The following ABCA4 variants were observed in gnomAD, a reference collection of about 807,000 sequenced individuals.
ABCA4 encodes the protein ATP binding cassette subfamily A member 4.
Under a neutral mutation model 263.7 loss-of-function variants are expected in ABCA4, and 196 were observed. That is an observed-to-expected ratio of 0.74 (90% CI 0.66 to 0.84). The LOEUF is 0.84. ABCA4 is among the 40% of genes least tolerant of loss of function. ABCA4 has a pLI of 0.00. For missense variants in ABCA4, 2,792 were observed against 2,855.1 expected (o/e 0.98, Z 0.50); for synonymous variants, 1,133 against 1,094.2 (o/e 1.04, Z -0.70).
intron 38 of ABCA4, 35 bp from the exon 39 acceptor site, chr1:94,011,420 C>G: frequency 6.2e-7 from 1 of 1,603,892 alleles, no homozygotes; most frequent in South Asian, 1.1e-5. Context: ...GGAAACGGGG[C>G]AAACCCCACC....
In ABCA4 at chr1:94,062,602, G is replaced by A. The variant is rs754088610; in HGVS notation, c.1912C>T (p.Pro638Ser). 1 of 1,614,206 alleles carries A rather than the reference G, an allele frequency of 6.2e-7. No homozygotes were observed. Among genetic ancestry groups the A allele is most frequent in the Admixed American group, 1.7e-5 (1 of 60,024 alleles). Residue 638 changes from proline to serine, a missense_variant, in exon 13 of 50, where the codon CCC becomes TCC. By Grantham distance (74) the Pro-to-Ser change is moderately conservative. Transcript: ENST00000370225. ...GAATCGTCCACGAAGCAGGGGTAGG[G>A]CATCTGCTGGAGGTAGATTCCAACT... ...APVGIYLQQM[P>S]YPCFVDDSFM...
At chr1:94,106,419 C>T (rs1459600103) in intron 4 of ABCA4, among the ~76,000 whole-genome samples, 1 of 152,210 alleles carries the variant, frequency 6.6e-6, no homozygotes, top group Non-Finnish European at 1.5e-5. Context: ...ATCAAACCCA[C>T]TGGATGCATG....
In ABCA4 at chr1:93,997,921, G is replaced by A. The variant is rs375495352; in HGVS notation, c.6669C>T (p.Leu2223=). The change falls in exon 48 of 50, where the codon CTC becomes CTT. Residue 2223 remains leucine, a synonymous_variant. Coordinates refer to ENST00000370225, the MANE Select transcript of ABCA4 (RefSeq NM_000350.3). ...SSLARIFQLL[L]SHKDSLLIEE... is the part of the protein sequence containing the mutation. ...CGATGAGCAGGCTGTCCTTGTGGGA[G>A]AGGAGGAGCTGGAAGATCCTCGCCA... 4.7e-5 allele frequency: 76 copies of A among 1,613,970 alleles called. No individual in the cohort carries two copies. In the African/African-American group the frequency reaches 8.0e-4, roughly 17 times the overall value.
At chr1:94,102,891 A>G in intron 5 of ABCA4, 124 bp downstream of exon 5, 1 of 1,360,630 alleles carries the variant, frequency 7.3e-7, no homozygotes, top group African/African-American at 1.4e-5. Flanking sequence ...ACAAGGCATT[A>G]AGTGATGGAT....
Position 94,077,899 on chromosome 1 carries a change from G to A in ABCA4, c.1357-12C>T, listed in dbSNP as rs866773902. 1 of 1,610,388 alleles carries A rather than the reference G, an allele frequency of 6.2e-7. No individual in the cohort carries two copies. Among genetic ancestry groups the A allele is most frequent in the Non-Finnish European group, 8.5e-7 (1 of 1,176,658 alleles). ...TTCCCCAGGGTATCCTTGGGAAGAAGAAATACAGTCACTGCTCTGCTTAGA... is the reference window on the plus strand; with the variant it reads ...TTCCCCAGGGTATCCTTGGGAAGAAAAAATACAGTCACTGCTCTGCTTAGA... On this transcript the variant is annotated splice_polypyrimidine_tract_variant and intron_variant, in intron 10 of 49. Coordinates refer to ENST00000370225, the MANE Select transcript of ABCA4 (RefSeq NM_000350.3).
At chr1:94,001,417 G>A in intron 45 of ABCA4, 1 of 506,070 alleles carries the variant, frequency 2.0e-6, no homozygotes, top group Non-Finnish European at 3.6e-6. Context: ...AAGGCAGGGA[G>A]GTCACTCAGG....
intron 32 of ABCA4, among the ~76,000 whole-genome samples, chr1:94,022,589 C>T (rs995821773): frequency 2.6e-5 from 4 of 152,196 alleles, no homozygotes; most frequent in Non-Finnish European, 5.9e-5. Context: ...CTGTACTGCC[C>T]TGGAAGTCTG....
At position 94,041,642 on chromosome 1, in the gene ABCA4, A is replaced by G. The variant is rs372747282; in HGVS notation, c.3329-240T>C. On this transcript the variant is annotated intron_variant, in intron 22 of 49. Coordinates refer to ENST00000370225, the MANE Select transcript of ABCA4 (RefSeq NM_000350.3). ...CACACAGTGTCTCTGTATCCAGCAT[A>G]GGATCTGATTCAAATAAATCTCTAT... is the stretch of plus-strand genomic sequence containing the variant. Among the ~76,000 whole-genome samples the G allele has an allele frequency of 5.3e-4, 81 of 152,376 alleles. 4 individuals are homozygous for G. The South Asian group carries it at 8.1e-3, about 15-fold the overall frequency.
rs62645957 is a variant in ABCA4, at chr1:94,121,001, C to A, written c.45G>T (p.Trp15Cys). ...TTACCTTTTGCCTTTTCCGCAGGGT[C>A]CAGTTCTTCCAGAGCAAAAGCTGTA... ...RQIQLLLWKN[W>C]TLRKRQKIRF... The change falls in exon 1 of 50, where the codon TGG becomes TGT. Residue 15 changes from tryptophan (W) to cysteine (C), a missense_variant. Physicochemically the swap from Trp to Cys is radical, Grantham distance 215. Transcript: ENST00000370225. The A allele has an allele frequency of 6.2e-7, 1 of 1,607,906 alleles. No homozygotes were observed. Among genetic ancestry groups the A allele is most frequent in the Non-Finnish European group, 8.5e-7 (1 of 1,176,530 alleles).
intron 6 of ABCA4, among the ~76,000 whole-genome samples, chr1:94,091,322 T>A (rs530343472): frequency 6.6e-6 from 1 of 152,294 alleles, no homozygotes; most frequent in South Asian, 2.1e-4. Flanking sequence ...ACACCTTACA[T>A]CTCTGAATAC....
intron 44 of ABCA4, among the ~76,000 whole-genome samples, chr1:94,003,183 G>T (rs1659240129): frequency 6.6e-6 from 1 of 152,062 alleles, no homozygotes; most frequent in African/African-American, 2.4e-5. Context: ...GTTCAGTTTT[G>T]TCAGTTGGTC....
Position 94,031,976 on chromosome 1 carries a change from A to G in ABCA4, c.3930T>C (p.Ala1310=). Residue 1310 remains alanine, a synonymous_variant, in exon 27 of 50, where the codon GCT becomes GCC. Coordinates refer to ENST00000370225, the MANE Select transcript of ABCA4 (RefSeq NM_000350.3). ...RHPCLGPREK[A]GQTPQDSNVC... The stretch of plus-strand genomic sequence containing the variant: ...CATTGGAGTCCTGGGGTGTCTGTCC[A>G]GCCTTCTCTCTGGGACCCAAGCAGG... 2 of 1,613,914 alleles carry G rather than the reference A, an allele frequency of 1.2e-6. No individual in the cohort carries two copies. Among genetic ancestry groups the G allele is most frequent in the Admixed American group, 1.7e-5 (1 of 59,998 alleles).
chr1:94,050,739 T>A (rs1324521960), intron 17 of ABCA4, among the ~76,000 whole-genome samples: 1 of 151,908 alleles, frequency 6.6e-6, no homozygotes, highest in Non-Finnish European at 1.5e-5. Context: ...GCTGTTAAAG[T>A]GTTGTTTGTT....
chr1:94,115,792 C>T (rs10747458), intron 1 of ABCA4, among the ~76,000 whole-genome samples: 151,009 of 152,332 alleles, frequency 0.99, 74,868 homozygotes, highest in Middle Eastern at 1. Flanking sequence ...AGTAAGGAGA[C>T]AGAATTAAGC....
At chr1:94,004,700 A>G (rs1659322835) in intron 44 of ABCA4, among the ~76,000 whole-genome samples, 1 of 152,186 alleles carries the variant, frequency 6.6e-6, no homozygotes, top group Admixed American at 6.5e-5. Flanking sequence ...AATATGTGGA[A>G]CATTAACATG....
chr1:94,038,605 G>A (rs1660406265), intron 24 of ABCA4, among the ~76,000 whole-genome samples: 1 of 152,186 alleles, frequency 6.6e-6, no homozygotes, highest in African/African-American at 2.4e-5. Flanking sequence ...TTCATACGGA[G>A]GCTGGAGAGT....
chr1:94,062,702 G>T lies in ABCA4; in HGVS notation c.1812C>A (p.Ile604=). The T allele has an allele frequency of 6.2e-7, 1 of 1,614,120 alleles. No homozygotes were observed. The highest frequency in any genetic ancestry group is 8.5e-7 in the Non-Finnish European group (1 of 1,180,010). The change falls in exon 13 of 50, where the codon ATC becomes ATA. Residue 604 remains isoleucine (I), a synonymous_variant. Coordinates refer to ENST00000370225, the MANE Select transcript of ABCA4 (RefSeq NM_000350.3). Reference sequence around the variant, plus strand: ...CCTGCAGATAGGCAAACCCGCCCCAGATGTACCGGAAATCTTCCACGGGAT... The same window carrying T: ...CCTGCAGATAGGCAAACCCGCCCCATATGTACCGGAAATCTTCCACGGGAT... ...RADPVEDFRY[I]WGGFAYLQDM... is the part of the protein sequence containing the mutation.
intron 1 of ABCA4, 39 bp downstream of exon 1, chr1:94,120,941 T>G (rs761407529): frequency 7.4e-7 from 1 of 1,353,328 alleles, no homozygotes; most frequent in Non-Finnish European, 1.0e-6. Flanking sequence ...GTTTATTTGC[T>G]CCACACCTCA....
At chr1:94,044,780 C>T (rs373616285) in intron 19 of ABCA4, 36 bp from the exon 20 acceptor site, 1 of 1,614,116 alleles carries the variant, frequency 6.2e-7, no homozygotes, top group African/African-American at 1.3e-5. Flanking sequence ...GAAGAGATGG[C>T]CTTTAGCAAC....
Sources: gnomAD v4.1 joint callset for allele counts (sites outside exome capture counted in the v4.1 genomes callset) on GRCh38, gnomAD v4.1.1 for gene constraint, MANE v1.5 for transcripts, NCBI Gene and HGNC (gene_info 2026-07-23, HGNC 2026-07-21) for gene names.